The following ROBO2 variants were observed in gnomAD, a reference collection of about 807,000 sequenced individuals.
ROBO2 encodes roundabout homolog 2.
A neutral mutation model predicts 160.8 loss-of-function variants in ROBO2; 53 were observed. The observed-to-expected ratio is 0.33, with a 90% confidence interval of 0.26 to 0.41. ROBO2 has a LOEUF of 0.41. Ranked by LOEUF, ROBO2 falls within the 10% of genes least tolerant of loss-of-function variation. The pLI, the probability that ROBO2 is intolerant of heterozygous loss-of-function variation, is 1.00. For missense variants in ROBO2, 1,577 were observed against 1,722.4 expected, an observed-to-expected ratio of 0.92 and a Z score of 1.49; for synonymous variants, 664 against 611.7, an observed-to-expected ratio of 1.09 and a Z score of -1.26.
intron 2 of ROBO2, among the ~76,000 whole-genome samples, chr3:76,705,981 T>C (rs994174653): frequency 6.6e-6 from 1 of 152,150 alleles, no homozygotes; most frequent in African/African-American, 2.4e-5. Flanking sequence ...TACATTTTTT[T>C]AAAAAGACTT....
chr3:77,270,763 T>A (rs907790579), intron 2 of ROBO2, among the ~76,000 whole-genome samples: 1 of 152,040 alleles, frequency 6.6e-6, no homozygotes, highest in Non-Finnish European at 1.5e-5. Context: ...GCCAACATGG[T>A]GAAACCCCGT....
chr3:77,248,186 T>C (rs577495613), intron 2 of ROBO2, among the ~76,000 whole-genome samples: 2 of 152,248 alleles, frequency 1.3e-5, no homozygotes, highest in South Asian at 4.1e-4. Flanking sequence ...GAAGATCACC[T>C]TCTTGCTCCA....
intron 2 of ROBO2, among the ~76,000 whole-genome samples, chr3:77,240,254 G>A (rs778160609): frequency 2.6e-5 from 4 of 152,164 alleles, no homozygotes; most frequent in Admixed American, 1.3e-4. Flanking sequence ...CTGAGACCCG[G>A]CAAGAATTCG....
At chr3:77,079,573 T>C (rs2068409794) in intron 1 of ROBO2, among the ~76,000 whole-genome samples, 1 of 152,244 alleles carries the variant, frequency 6.6e-6, no homozygotes, top group Non-Finnish European at 1.5e-5. Flanking sequence ...GGCCGTAAGT[T>C]AATGAAAGCA....
intron 2 of ROBO2, among the ~76,000 whole-genome samples, chr3:77,161,732 T>C (rs1182554570): frequency 6.6e-6 from 1 of 151,558 alleles, no homozygotes; most frequent in East Asian, 1.9e-4. Context: ...GAAAATACGT[T>C]TTTTTTTTCT....
intron 2 of ROBO2, among the ~76,000 whole-genome samples, chr3:76,604,091 G>A (rs2087454006): frequency 6.6e-6 from 1 of 152,060 alleles, no homozygotes. Context: ...TAAGTTCTGT[G>A]GGTTGTCTTA....
intron 2 of ROBO2, among the ~76,000 whole-genome samples, chr3:77,169,599 G>A (rs1239757669): frequency 6.6e-6 from 1 of 152,012 alleles, no homozygotes; most frequent in African/African-American, 2.4e-5. Context: ...TTTGCTCCCT[G>A]CAAATCCACC....
At chr3:76,870,175 A>T (rs2071876640) in intron 2 of ROBO2, among the ~76,000 whole-genome samples, 1 of 152,168 alleles carries the variant, frequency 6.6e-6, no homozygotes, top group African/African-American at 2.4e-5. Context: ...AGTTGAACAG[A>T]TGTTTGAGTT....
At chr3:76,282,024 A>G (rs1387628908) in intron 2 of ROBO2, among the ~76,000 whole-genome samples, 1 of 152,042 alleles carries the variant, frequency 6.6e-6, no homozygotes, top group Admixed American at 6.6e-5. Context: ...TTATGTAGTG[A>G]ACATTCATAG....
intron 21 of ROBO2, among the ~76,000 whole-genome samples, chr3:77,616,069 A>G (rs114081134): frequency 0.011 from 1,742 of 152,326 alleles, 36 homozygotes; most frequent in African/African-American, 0.04. Flanking sequence ...GAGAAAAGAA[A>G]CACAGAAACA....
rs148742389 is a variant in ROBO2 at position 77,547,189 on chromosome 3, C to T, written c.1059+727C>T. ...TAGAACTCTGTCTAAAGTTGGACAA[C>T]TGCTTAGCCTCTAGGTTCGTAGTCA... On this transcript the variant is annotated intron_variant, in intron 7 of 25. Transcript: ENST00000461745. 2.3e-3 allele frequency among the ~76,000 whole-genome samples: 344 copies of T among 152,200 alleles called. 1 individual carries two copies. Among genetic ancestry groups the T allele is most frequent in the Non-Finnish European group, 3.2e-3 (221 of 68,002 alleles).
At chr3:76,483,733 A>G (rs1158974207) in intron 2 of ROBO2, among the ~76,000 whole-genome samples, 1 of 152,064 alleles carries the variant, frequency 6.6e-6, no homozygotes, top group Non-Finnish European at 1.5e-5. Flanking sequence ...CCACCCTCTG[A>G]TAGGCCCCAG....
Position 76,834,065 on chromosome 3 carries a change from T to TCTTC in ROBO2, c.110-263946_110-263945insCCTT, listed in dbSNP as rs1235493373. Among the ~76,000 whole-genome samples the TCTTC allele has an allele frequency of 3.6e-3, 246 of 69,174 alleles. 5 individuals are homozygous for TCTTC. The highest frequency in any genetic ancestry group is 4.8e-3 in the Non-Finnish European group (156 of 32,188). The allele number at this position is 69,174 out of a possible 152,430, so 45.4% of individuals were successfully genotyped here. A position where few individuals can be genotyped will look rare whatever the true frequency, so the allele number is the denominator to read the frequency against. ...CTTTCTTTCTCTCCTTTCTTTCTTT[T>TCTTC]CTTTCTTTCTTTCTTTCTTTCTTTC... On this transcript the variant is annotated intron_variant, in intron 2 of 26. Coordinates refer to the ROBO2 transcript ENST00000487694.
intron 2 of ROBO2, among the ~76,000 whole-genome samples, chr3:77,234,655 C>A (rs1392867190): frequency 1.3e-5 from 2 of 152,090 alleles, no homozygotes; most frequent in Non-Finnish European, 2.9e-5. Context: ...AAATGTTGCA[C>A]TTTCTTTATC....
intron 2 of ROBO2, among the ~76,000 whole-genome samples, chr3:76,774,203 C>T (rs1019235641): frequency 6.6e-6 from 1 of 150,834 alleles, no homozygotes; most frequent in South Asian, 2.1e-4. Context: ...ATTCATGAGT[C>T]GACTGTGTAT....
chr3:77,601,632 G>C (rs752571827), intron 19 of ROBO2, among the ~76,000 whole-genome samples: 2 of 152,046 alleles, frequency 1.3e-5, no homozygotes, highest in Non-Finnish European at 2.9e-5. Flanking sequence ...TGTGAAAATG[G>C]CTTACACCTG....
chr3:76,988,797 A>G (rs1404897503), intron 2 of ROBO2, among the ~76,000 whole-genome samples: 1 of 152,164 alleles, frequency 6.6e-6, no homozygotes, highest in Admixed American at 6.6e-5. Flanking sequence ...GCTTCGAGAC[A>G]TTAAGATCAA....
At chr3:77,538,161 G>C (rs1475537123) in intron 6 of ROBO2, among the ~76,000 whole-genome samples, 1 of 140,816 alleles carries the variant, frequency 7.1e-6, no homozygotes, top group Middle Eastern at 3.8e-3. Flanking sequence ...TTAGCAATTT[G>C]ATCATTTACT....
At chr3:77,402,449 T>C (rs777532804) in intron 2 of ROBO2, among the ~76,000 whole-genome samples, 4 of 151,788 alleles carry the variant, frequency 2.6e-5, no homozygotes, top group Non-Finnish European at 4.4e-5. Flanking sequence ...AAATTAAAAA[T>C]AAAATAAAAT....
Sources: gnomAD v4.1 joint callset for allele counts (sites outside exome capture counted in the v4.1 genomes callset) on GRCh38, gnomAD v4.1.1 for gene constraint, MANE v1.5 for transcripts, NCBI Gene and HGNC (gene_info 2026-07-23, HGNC 2026-07-21) for gene names.